THOC5: variants seen among roughly 807,000 people sequenced by gnomAD.
The protein encoded by THOC5 is THO complex subunit 5, also known as Fms-interacting protein.
Under a neutral mutation model 92.9 loss-of-function variants are expected in THOC5, and 43 were observed. The observed-to-expected ratio is 0.46, with a 90% CI of 0.36 to 0.60. The LOEUF is 0.60. THOC5 is among the 20% of genes least tolerant of loss of function. THOC5 has a pLI of 0.00. For missense variants in THOC5, 659 were observed against 849.4 expected (o/e 0.78, Z 2.79); for synonymous variants, 296 against 320.1 (o/e 0.92, Z 0.80).
intron 12 of THOC5, among the ~76,000 whole-genome samples, chr22:29,523,810 GA>G (rs1328139022): frequency 6.6e-6 from 1 of 152,088 alleles, no homozygotes; most frequent in Non-Finnish European, 1.5e-5. Flanking sequence ...AAAAATATAT[GA>G]AAAAAATCAG....
intron 1 of THOC5, among the ~76,000 whole-genome samples, chr22:29,551,615 C>G (rs994069982): frequency 6.6e-6 from 1 of 151,970 alleles, no homozygotes; most frequent in Non-Finnish European, 1.5e-5. Flanking sequence ...CCTAGTATGG[C>G]GGTGCACACC....
rs766346839 is a variant in THOC5 at position 29,549,074 on chromosome 22, C to T, written c.74G>A (p.Arg25Gln). Residue 25 changes from arginine (R) to glutamine (Q), a missense_variant, in exon 2 of 20, where the codon CGG becomes CAG. By Grantham distance (43) the Arg-to-Gln change is conservative. Coordinates refer to ENST00000490103, the MANE Select transcript of THOC5 (RefSeq NM_003678.5). ...RSDGAPAEGK[R>Q]NRSDTEQEGK... ...CACCTGCTCGGTGTCAGATCGATTC[C>T]GCTTTCCTTCAGCTGGGGCTCCATC... 16 of 1,614,120 alleles carry T rather than the reference C, an allele frequency of 9.9e-6. No individual in the cohort carries two copies. Among genetic ancestry groups the T allele is most frequent in the East Asian group, 6.7e-5 (3 of 44,886 alleles).
intron 1 of THOC5, among the ~76,000 whole-genome samples, chr22:29,552,543 C>T (rs1414862290): frequency 2.9e-5 from 4 of 139,684 alleles, no homozygotes; most frequent in Non-Finnish European, 4.9e-5. Context: ...GGGCAGCCCC[C>T]GCCCGGCCAG....
intron 7 of THOC5, 142 bp downstream of exon 7, chr22:29,536,482 A>G: frequency 1.7e-6 from 1 of 605,556 alleles, no homozygotes; most frequent in Non-Finnish European, 3.0e-6. Flanking sequence ...TATCACACCA[A>G]CTGGGTAGGG....
At chr22:29,529,031 C>A in intron 9 of THOC5, 131 bp downstream of exon 9, 1 of 878,158 alleles carries the variant, frequency 1.1e-6, no homozygotes, top group Admixed American at 2.2e-5. Context: ...CCTGTCTACT[C>A]CAGGGTGCTA....
rs1432984801 is a variant in THOC5 at position 29,507,753 on chromosome 22, G to A, written c.*704C>T. On this transcript the variant is annotated 3_prime_UTR_variant, in exon 20 of 20. Transcript: ENST00000490103. ...GATACAAAATATATACTGAAAATAT[G>A]TACTGACTATGTTAGCAGTAAGTAA... The A allele has an allele frequency of 1.3e-5, 2 of 152,328 alleles. No individual in the cohort carries two copies. Among genetic ancestry groups the A allele is most frequent in the African/African-American group, 2.4e-5 (1 of 41,450 alleles). The allele number at this position is 152,328 out of a possible 1,614,324, so 9.4% of individuals were successfully genotyped here.
At chr22:29,521,620 C>G (rs1250282453) in intron 12 of THOC5, among the ~76,000 whole-genome samples, 1 of 152,142 alleles carries the variant, frequency 6.6e-6, no homozygotes, top group African/African-American at 2.4e-5. Flanking sequence ...ATGCTCATCA[C>G]AGGAAAAGGC....
chr22:29,517,094 A>C lies in THOC5; in HGVS notation c.1616T>G (p.Ile539Ser). 1 of 1,614,108 alleles carries C rather than the reference A, an allele frequency of 6.2e-7. No homozygotes were observed. Among genetic ancestry groups the C allele is most frequent in the Non-Finnish European group, 8.5e-7 (1 of 1,180,012 alleles). The change falls in exon 17 of 20, where the codon ATT becomes AGT. Residue 539 changes from isoleucine to serine, a missense_variant. Ile to Ser is a moderately radical substitution (Grantham distance 142). Transcript: ENST00000490103. ...GTCCCCAGCCAGTCCCGCATCCACA[A>C]TGTCTTTGGTGAAGTGCAGCTCCTA... is the stretch of plus-strand genomic sequence containing the variant. ...DYMELHFTKD[I>S]VDAGLAGDTN... is the part of the protein sequence containing the mutation.
chr22:29,533,065 T>G (rs980862267), intron 7 of THOC5, among the ~76,000 whole-genome samples: 1 of 152,222 alleles, frequency 6.6e-6, no homozygotes, highest in African/African-American at 2.4e-5. Flanking sequence ...AATAAGTGGA[T>G]ACATGTGAAT....
chr22:29,528,231 T>C (rs1601416436), intron 10 of THOC5, 54 bp from the exon 11 acceptor site: 2 of 1,613,938 alleles, frequency 1.2e-6, no homozygotes, highest in East Asian at 4.5e-5. Context: ...AATCTCCCCT[T>C]CCCTCTCCCA....
Position 29,552,129 on chromosome 22 carries a change from T to C in THOC5, c.-12+1542A>G, listed in dbSNP as rs528998774. On this transcript the variant is annotated intron_variant, in intron 1 of 19. Transcript: ENST00000490103. ...TGGAGTGCAGTGGCGTGATCTCGGC[T>C]CGCTACAACCTCCACCTCCCAGCCG... 1.1e-3 allele frequency among the ~76,000 whole-genome samples: 162 copies of C among 152,180 alleles called. 1 individual carries two copies. Among genetic ancestry groups the C allele is most frequent in the African/African-American group, 3.8e-3 (156 of 41,550 alleles).
chr22:29,541,868 AAAAAAAAAAAAAAAAAAAAAAAAAAAT>A (rs2063895620), intron 5 of THOC5, among the ~76,000 whole-genome samples: 1 of 57,876 alleles, frequency 1.7e-5, no homozygotes, highest in African/African-American at 6.6e-5. Context: ...CTCCAAAAAA[AAAAAAAAAAAAAAAAAAAAAAAAAAAT>A]ATATATATAT....
At chr22:29,534,751 G>C (rs1412045896) in intron 7 of THOC5, 2 of 151,194 alleles carry the variant, frequency 1.3e-5, no homozygotes. Context: ...TCAGGAGATC[G>C]AGACCATCCT....
intron 13 of THOC5, 27 bp from the exon 14 acceptor site, chr22:29,520,131 G>C (rs752401425): frequency 3.1e-6 from 5 of 1,602,216 alleles, no homozygotes; most frequent in Non-Finnish European, 4.3e-6. Flanking sequence ...AAATAAAATT[G>C]TGCTGTAAGT....
intron 1 of THOC5, among the ~76,000 whole-genome samples, chr22:29,552,255 G>C (rs1330500050): frequency 1.3e-5 from 2 of 151,784 alleles, no homozygotes; most frequent in Non-Finnish European, 2.9e-5. Flanking sequence ...CATCATCTGG[G>C]ATGTGAGGAG....
chr22:29,521,950 C>G (rs776843549), intron 12 of THOC5, among the ~76,000 whole-genome samples: 3 of 151,812 alleles, frequency 2.0e-5, no homozygotes, highest in Non-Finnish European at 4.4e-5. Flanking sequence ...CATGCTAGGA[C>G]AGTGGAGGCT....
intron 2 of THOC5, among the ~76,000 whole-genome samples, chr22:29,545,685 C>T (rs2064002420): frequency 6.6e-6 from 1 of 152,194 alleles, no homozygotes; most frequent in Non-Finnish European, 1.5e-5. Flanking sequence ...CAAGCTGATG[C>T]AAAAGGTGGC....
Position 29,541,860 on chromosome 22 carries a change from C to CAAAA in THOC5, c.452+998_452+999insTTTT, listed in dbSNP as rs1569230675. On this transcript the variant is annotated intron_variant, in intron 5 of 19. Coordinates refer to ENST00000490103, the MANE Select transcript of THOC5 (RefSeq NM_003678.5). ...TGGGCGACAGAGCAAGACTCCATCTCCAAAAAAAAAAAAAAAAAAAAAAAA... is the reference window on the plus strand; with the variant it reads ...TGGGCGACAGAGCAAGACTCCATCTCAAAACAAAAAAAAAAAAAAAAAAAAAAAA... 2.9e-4 allele frequency among the ~76,000 whole-genome samples: 6 copies of CAAAA among 20,984 alleles called. 2 individuals are homozygous for CAAAA. The highest frequency in any genetic ancestry group is 3.7e-4 in the African/African-American group (3 of 8,110). The allele number at this position is 20,984 out of a possible 152,430, so 13.8% of individuals were successfully genotyped here. A position where few individuals can be genotyped will look rare whatever the true frequency, so the allele number is the denominator to read the frequency against.
intron 5 of THOC5, 54 bp downstream of exon 5, chr22:29,542,805 A>C: frequency 2.4e-6 from 3 of 1,248,030 alleles, no homozygotes; most frequent in Admixed American, 3.8e-5. Context: ...CTACATGGGA[A>C]AAAGCAGTTA....
Sources: allele counts gnomAD v4.1 joint callset (sites outside exome capture counted in the v4.1 genomes callset), GRCh38; gene constraint gnomAD v4.1.1; transcripts MANE v1.5; gene names NCBI Gene and HGNC (gene_info 2026-07-23, HGNC 2026-07-21).